APBB2: variants seen among roughly 807,000 people sequenced by gnomAD.
APBB2 encodes the protein amyloid beta precursor protein binding family B member 2.
Under a neutral mutation model 82.5 loss-of-function variants are expected in APBB2, and 38 were observed. The observed-to-expected ratio is 0.46, with a 90% CI of 0.36 to 0.60. The LOEUF is 0.60. APBB2 is among the 20% of genes least tolerant of loss of function. APBB2 has a pLI of 0.00. For synonymous variants in APBB2, 341 were observed against 368.2 expected, an observed-to-expected ratio of 0.93 and a Z score of 0.85; for missense variants, 772 against 972.3, an observed-to-expected ratio of 0.79 and a Z score of 2.74.
intron 3 of APBB2, among the ~76,000 whole-genome samples, chr4:41,069,745 A>G (rs530551841): frequency 1.3e-5 from 2 of 152,254 alleles, no homozygotes; most frequent in Non-Finnish European, 2.9e-5. Context: ...AAGGAGGCCA[A>G]TTAAATGGTG....
At chr4:41,073,571 C>A (rs768805138) in intron 3 of APBB2, among the ~76,000 whole-genome samples, 8 of 152,176 alleles carry the variant, frequency 5.3e-5, no homozygotes, top group Non-Finnish European at 8.8e-5. Context: ...CATACTAATA[C>A]ACAATACTTG....
chr4:40,955,533 G>A (rs1791383427), intron 6 of APBB2, among the ~76,000 whole-genome samples: 1 of 152,190 alleles, frequency 6.6e-6, no homozygotes, highest in Non-Finnish European at 1.5e-5. Context: ...AGTCTTAGTG[G>A]CAGCTGCTAC....
intron 4 of APBB2, among the ~76,000 whole-genome samples, chr4:41,048,463 T>A (rs974137715): frequency 6.6e-6 from 1 of 152,202 alleles, no homozygotes; most frequent in Non-Finnish European, 1.5e-5. Context: ...TCAATCCTTA[T>A]AACCACTCCA....
At chr4:40,985,470 C>T (rs1417498431) in intron 6 of APBB2, among the ~76,000 whole-genome samples, 2 of 152,064 alleles carry the variant, frequency 1.3e-5, no homozygotes, top group Non-Finnish European at 1.5e-5. Flanking sequence ...ACTGTAGGAC[C>T]TAAGTATGCA....
At chr4:41,018,903 G>GTC (rs1810729780) in intron 5 of APBB2, among the ~76,000 whole-genome samples, 1 of 152,082 alleles carries the variant, frequency 6.6e-6, no homozygotes, top group Non-Finnish European at 1.5e-5. Context: ...GGACAAGGTA[G>GTC]TCACAAGAGA....
chr4:40,906,948 G>A (rs1776925743), intron 10 of APBB2, among the ~76,000 whole-genome samples: 1 of 151,916 alleles, frequency 6.6e-6, no homozygotes, highest in African/African-American at 2.4e-5. Context: ...ATGTGCACAC[G>A]GGTATATATG....
intron 1 of APBB2, among the ~76,000 whole-genome samples, chr4:41,202,996 A>G (rs1401208324): frequency 6.6e-6 from 1 of 152,190 alleles, no homozygotes; most frequent in Non-Finnish European, 1.5e-5. Flanking sequence ...ACAGCACAAC[A>G]GGATCTAATG....
chr4:41,061,526 C>A (rs1473227592), intron 4 of APBB2, among the ~76,000 whole-genome samples: 1 of 152,136 alleles, frequency 6.6e-6, no homozygotes, highest in African/African-American at 2.4e-5. Context: ...ATTTGGGCAC[C>A]TAAACATATC....
chr4:40,904,233 C>A lies in APBB2; in HGVS notation c.1255-10822G>T, dbSNP rs996210564. ...ATCACTTGAGGTCAGGAGTTCGAGA[C>A]CAGCCTGGCCAACATGGCGAAACCC... is the stretch of plus-strand genomic sequence containing the variant. On this transcript the variant is annotated intron_variant, in intron 10 of 17. Coordinates refer to ENST00000508593, the MANE Select transcript of APBB2 (RefSeq NM_004307.2). Among the ~76,000 whole-genome samples, 9 of 152,186 alleles carry A rather than the reference C, an allele frequency of 5.9e-5. No individual in the cohort carries two copies. The South Asian group carries it at 1.9e-3, about 32-fold the overall frequency.
chr4:40,820,959 C>T (rs1243394917), intron 17 of APBB2, among the ~76,000 whole-genome samples: 2 of 152,102 alleles, frequency 1.3e-5, no homozygotes, highest in Non-Finnish European at 2.9e-5. Flanking sequence ...ACCTCTGCCT[C>T]TCAGGTTCAA....
chr4:40,978,664 A>C (rs1392375193), intron 6 of APBB2, among the ~76,000 whole-genome samples: 1 of 152,186 alleles, frequency 6.6e-6, no homozygotes, highest in Non-Finnish European at 1.5e-5. Context: ...GGATCATATA[A>C]GCTTTCTGTG....
chr4:40,902,825 T>C, intron 10 of APBB2, among the ~76,000 whole-genome samples: 1 of 149,994 alleles, frequency 6.7e-6, no homozygotes, highest in East Asian at 2.1e-4. Context: ...CCACCCCACC[T>C]GGACCCAACA....
At chr4:40,965,995 C>A (rs1794575293) in intron 6 of APBB2, among the ~76,000 whole-genome samples, 1 of 152,172 alleles carries the variant, frequency 6.6e-6, no homozygotes, top group Non-Finnish European at 1.5e-5. Context: ...TTTAGAAATT[C>A]AAGTCCAATC....
chr4:40,966,255 C>T (rs1374469813), intron 6 of APBB2, among the ~76,000 whole-genome samples: 1 of 152,172 alleles, frequency 6.6e-6, no homozygotes, highest in Non-Finnish European at 1.5e-5. Flanking sequence ...CCTTTGTATG[C>T]ACGAACTGCT....
intron 3 of APBB2, among the ~76,000 whole-genome samples, chr4:41,089,485 T>A (rs1013621323): frequency 2.0e-5 from 3 of 152,128 alleles, no homozygotes; most frequent in Non-Finnish European, 4.4e-5. Context: ...AATCACACAT[T>A]TTTTCCATCC....
intron 15 of APBB2, among the ~76,000 whole-genome samples, chr4:40,824,480 C>T (rs990007246): frequency 4.6e-5 from 7 of 152,116 alleles, no homozygotes; most frequent in African/African-American, 1.7e-4. Flanking sequence ...ACAGAGCGCA[C>T]CCATCACCAT....
chr4:41,045,984 T>C (rs1723256756), intron 4 of APBB2, among the ~76,000 whole-genome samples: 1 of 150,290 alleles, frequency 6.7e-6, no homozygotes, highest in Non-Finnish European at 1.5e-5. Flanking sequence ...ATAATGAGCA[T>C]GAAACATTTT....
At chr4:40,923,136 C>T (rs1017648520) in intron 10 of APBB2, among the ~76,000 whole-genome samples, 1 of 151,696 alleles carries the variant, frequency 6.6e-6, no homozygotes, top group South Asian at 2.1e-4. Context: ...CCACCGCGCC[C>T]GGCTAATTTT....
chr4:40,974,794 C>G (rs1426210803), intron 6 of APBB2, among the ~76,000 whole-genome samples: 1 of 152,174 alleles, frequency 6.6e-6, no homozygotes, highest in Non-Finnish European at 1.5e-5. Flanking sequence ...ACAGTCGCTG[C>G]CTTTAAGGAA....
Sources: allele counts gnomAD v4.1 joint callset (sites outside exome capture counted in the v4.1 genomes callset), GRCh38; gene constraint gnomAD v4.1.1; transcripts MANE v1.5; gene names NCBI Gene and HGNC (gene_info 2026-07-23, HGNC 2026-07-21).